TM9SF2: variants seen among roughly 807,000 people sequenced by gnomAD.
TM9SF2 encodes transmembrane 9 superfamily member 2, also known as 76 kDa membrane protein.
TM9SF2 carries 13 observed loss-of-function variants against 84.9 expected under a neutral mutation model. The observed-to-expected ratio is 0.15, with a 90% CI of 0.10 to 0.24. TM9SF2 has a LOEUF of 0.24. Among genes scored for constraint, TM9SF2 ranks in the 10% least tolerant of loss-of-function variants. The pLI, the probability that TM9SF2 is intolerant of heterozygous loss-of-function variation, is 1.00. For synonymous variants in TM9SF2, 273 were observed against 285.8 expected, an observed-to-expected ratio of 0.96 and a Z score of 0.45; for missense variants, 562 against 818.5, an observed-to-expected ratio of 0.69 and a Z score of 3.82.
intron 3 of TM9SF2, among the ~76,000 whole-genome samples, chr13:99,522,044 A>G (rs2046163008): frequency 6.6e-6 from 1 of 151,886 alleles, no homozygotes; most frequent in South Asian, 2.1e-4. Context: ...TTTTCGAGAC[A>G]GAGTGTCACT....
chr13:99,538,011 T>G, intron 6 of TM9SF2, 148 bp downstream of exon 6: 1 of 1,190,826 alleles, frequency 8.4e-7, no homozygotes, highest in Middle Eastern at 2.8e-4. Flanking sequence ...GTTATTGTTA[T>G]GGGTTGTCCA....
At chr13:99,541,524 G>C in intron 8 of TM9SF2, 35 bp from the exon 9 acceptor site, 1 of 1,469,696 alleles carries the variant, frequency 6.8e-7, no homozygotes, top group Non-Finnish European at 9.5e-7. Flanking sequence ...CTAGGATTAA[G>C]CTACAGATTA....
In TM9SF2 at chr13:99,548,596, G is replaced by A. The variant is rs192269913; in HGVS notation, c.1271-569G>A. 1.1e-3 allele frequency among the ~76,000 whole-genome samples: 174 copies of A among 152,166 alleles called. 1 individual carries two copies. Among genetic ancestry groups the A allele is most frequent in the African/African-American group, 4.0e-3 (165 of 41,478 alleles). On this transcript the variant is annotated intron_variant, in intron 11 of 16. Transcript: ENST00000376387. ...CTGGAAAAAAAAGCAAGTTGGAGAG[G>A]GGCAAAGGAGAGTAAAACATATATT...
intron 1 of TM9SF2, chr13:99,514,367 A>G (rs2046125443): frequency 6.6e-6 from 1 of 152,132 alleles, no homozygotes; most frequent in African/African-American, 2.4e-5. Flanking sequence ...CTGCATTTTG[A>G]TTGTACCTAT....
Position 99,541,765 on chromosome 13 carries a change from C to T in TM9SF2, c.1017+98C>T, listed in dbSNP as rs1017630045. 22 of 771,202 alleles carry T rather than the reference C, an allele frequency of 2.9e-5. No individual in the cohort carries two copies. The Admixed American group carries it at 7.1e-4, about 25-fold the overall frequency. The allele number at this position is 771,202 out of a possible 1,614,324, so 47.8% of individuals were successfully genotyped here. On this transcript the variant is annotated intron_variant, in intron 9 of 16. Coordinates refer to ENST00000376387, the MANE Select transcript of TM9SF2 (RefSeq NM_004800.3). The stretch of plus-strand genomic sequence containing the variant: ...ATAGCTTTAGAATCTGCTTTTAAAA[C>T]ATTCTTCAAAAAACAAAAACAAAAA...
chr13:99,553,035 A>G (rs750885619), intron 13 of TM9SF2, among the ~76,000 whole-genome samples: 115 of 152,374 alleles, frequency 7.5e-4, no homozygotes, highest in Middle Eastern at 3.4e-3. Context: ...AAGGAAGATT[A>G]TAATCAGGTT....
At chr13:99,519,849 A>C (rs932405369) in intron 2 of TM9SF2, among the ~76,000 whole-genome samples, 187 bp from the exon 3 acceptor site, 6 of 152,176 alleles carry the variant, frequency 3.9e-5, no homozygotes, top group African/African-American at 1.4e-4. Context: ...CGAAGGCATA[A>C]TTTTAGGTGT....
At chr13:99,540,349 C>T (rs548585440) in intron 7 of TM9SF2, among the ~76,000 whole-genome samples, 13 of 149,784 alleles carry the variant, frequency 8.7e-5, no homozygotes, top group East Asian at 7.8e-4. Context: ...TAGCTGCCCC[C>T]GGCATAAAGA....
chr13:99,527,459 T>A (rs1365983748), intron 3 of TM9SF2, among the ~76,000 whole-genome samples: 1 of 152,050 alleles, frequency 6.6e-6, no homozygotes, highest in Non-Finnish European at 1.5e-5. Flanking sequence ...TATAAAACCA[T>A]CAGATCTTGT....
At chr13:99,508,445 C>CACACACACACACACACACACA (rs1566562106) in intron 1 of TM9SF2, among the ~76,000 whole-genome samples, 7 of 99,676 alleles carry the variant, frequency 7.0e-5, no homozygotes, top group African/African-American at 3.0e-4. Flanking sequence ...ACACACACAC[C>CACACACACACACACACACACA]CCAGAGATTC....
intron 1 of TM9SF2, among the ~76,000 whole-genome samples, chr13:99,506,322 G>A (rs1049597430): frequency 2.6e-5 from 4 of 152,168 alleles, no homozygotes; most frequent in Non-Finnish European, 5.9e-5. Flanking sequence ...TTGGTATAGT[G>A]ATAAATATTT....
chr13:99,510,555 G>A (rs1006378898), intron 1 of TM9SF2, among the ~76,000 whole-genome samples: 18 of 152,312 alleles, frequency 1.2e-4, no homozygotes, highest in Admixed American at 1.2e-3. Context: ...TGAAGCAGGA[G>A]CAGGCGTGTC....
At chr13:99,529,794 T>A (rs2046200388) in intron 4 of TM9SF2, among the ~76,000 whole-genome samples, 200 bp downstream of exon 4, 1 of 152,214 alleles carries the variant, frequency 6.6e-6, no homozygotes, top group Non-Finnish European at 1.5e-5. Context: ...CTTTTAACTG[T>A]GTTTAGATTA....
rs567786779 is a variant in TM9SF2, at chr13:99,557,129, C to T, written c.1752+1482C>T. On this transcript the variant is annotated intron_variant, in intron 15 of 16. Coordinates refer to ENST00000376387, the MANE Select transcript of TM9SF2 (RefSeq NM_004800.3). ...ACCAAACTTTTCCACAGTGGTTGTG[C>T]CGTTTTACATTCCCACCAGCAGTGG... Among the ~76,000 whole-genome samples, 3 of 152,250 alleles carry T rather than the reference C, an allele frequency of 2.0e-5. No homozygotes were observed. The South Asian group carries it at 6.2e-4, about 32-fold the overall frequency.
intron 8 of TM9SF2, 135 bp from the exon 9 acceptor site, chr13:99,541,424 T>C: frequency 1.7e-6 from 1 of 587,032 alleles, no homozygotes; most frequent in Middle Eastern, 4.6e-4. Flanking sequence ...TCATTGAATT[T>C]GTTGGATTTC....
chr13:99,556,944 G>A (rs1031483427), intron 15 of TM9SF2, among the ~76,000 whole-genome samples: 1 of 152,168 alleles, frequency 6.6e-6, no homozygotes, highest in Non-Finnish European at 1.5e-5. Context: ...CCATTGGTGG[G>A]CATTTGTATT....
intron 12 of TM9SF2, 132 bp from the exon 13 acceptor site, chr13:99,552,035 C>T: frequency 1.1e-6 from 1 of 872,580 alleles, no homozygotes; most frequent in South Asian, 2.2e-5. Context: ...TACATTCAGA[C>T]ATCCTGTGAT....
intron 1 of TM9SF2, among the ~76,000 whole-genome samples, chr13:99,516,047 C>G (rs1056987308): frequency 1.3e-5 from 2 of 152,084 alleles, no homozygotes; most frequent in Non-Finnish European, 2.9e-5. Flanking sequence ...ATACTGTTAT[C>G]CTCATTTTGC....
chr13:99,529,916 A>G (rs1043332602), intron 4 of TM9SF2, among the ~76,000 whole-genome samples: 4 of 152,238 alleles, frequency 2.6e-5, no homozygotes, highest in Non-Finnish European at 5.9e-5. Flanking sequence ...ATGCCACTGC[A>G]ATAAAGCAAA....
Sources: allele counts gnomAD v4.1 joint callset (sites outside exome capture counted in the v4.1 genomes callset), GRCh38; gene constraint gnomAD v4.1.1; transcripts MANE v1.5; gene names NCBI Gene and HGNC (gene_info 2026-07-23, HGNC 2026-07-21).